GPM6A: variants seen among roughly 807,000 people sequenced by gnomAD.
The protein encoded by GPM6A is neuronal membrane glycoprotein M6-a.
Under a neutral mutation model 32.1 loss-of-function variants are expected in GPM6A, and 7 were observed. The ratio of observed to expected loss-of-function variants is 0.22; its 90% CI spans 0.12 to 0.41. GPM6A has a LOEUF of 0.41. Ranked by LOEUF, GPM6A falls within the 10% of genes least tolerant of loss-of-function variation. The probability of loss-of-function intolerance (pLI) is 1.00; values close to 1 mark genes in which losing one functional copy is unlikely to be tolerated. For missense variants in GPM6A, 235 were observed against 347.2 expected, an observed-to-expected ratio of 0.68 and a Z score of 2.57; for synonymous variants, 130 against 123.4, an observed-to-expected ratio of 1.05 and a Z score of -0.35.
intron 1 of GPM6A, among the ~76,000 whole-genome samples, chr4:176,001,561 C>G (rs1433995839): frequency 2.0e-5 from 3 of 152,152 alleles, no homozygotes; most frequent in African/African-American, 7.2e-5. Context: ...AAGCTGCCTC[C>G]GCTAAGCACC....
At chr4:175,719,453 G>A (rs553043388) in intron 1 of GPM6A, among the ~76,000 whole-genome samples, 1 of 152,066 alleles carries the variant, frequency 6.6e-6, no homozygotes, top group Admixed American at 6.6e-5. Flanking sequence ...AAAATTTTAA[G>A]CCATATTCTC....
intron 2 of GPM6A, among the ~76,000 whole-genome samples, chr4:175,678,559 G>T (rs1016074825): frequency 1.3e-5 from 2 of 152,180 alleles, no homozygotes; most frequent in African/African-American, 4.8e-5. Context: ...AGATGAGAGA[G>T]AGAGAAGAAC....
At chr4:175,781,135 A>AG (rs1733598260) in intron 1 of GPM6A, 1 of 152,166 alleles carries the variant, frequency 6.6e-6, no homozygotes, top group African/African-American at 2.4e-5. Flanking sequence ...AGTAATAAAA[A>AG]AAAAATAGAA....
rs978263178 is a variant in GPM6A, at chr4:175,651,996, G to A, written c.388-9C>T. 4.4e-6 allele frequency: 7 copies of A among 1,597,466 alleles called. No individual in the cohort carries two copies. The African/African-American group carries it at 9.5e-5, about 22-fold the overall frequency. On this transcript the variant is annotated splice_polypyrimidine_tract_variant and intron_variant, in intron 3 of 6. Transcript: ENST00000393658. The stretch of plus-strand genomic sequence containing the variant: ...TATGTCAGCATAATGAACTGCAAAA[G>A]AGAAAGAAATGGAGAGAGAAAATGT...
At chr4:175,652,121 T>A in intron 3 of GPM6A, 134 bp from the exon 4 acceptor site, 1 of 572,736 alleles carries the variant, frequency 1.7e-6, no homozygotes. Flanking sequence ...ACACTGTTGA[T>A]TTGCAGCACA....
chr4:175,667,418 A>G (rs1742809545), intron 3 of GPM6A, among the ~76,000 whole-genome samples: 1 of 152,192 alleles, frequency 6.6e-6, no homozygotes, highest in African/African-American at 2.4e-5. Context: ...CTTTGAAAAC[A>G]ATGAAAGTCT....
intron 3 of GPM6A, among the ~76,000 whole-genome samples, chr4:175,653,726 C>T (rs79273550): frequency 0.017 from 2,536 of 152,046 alleles, 33 homozygotes; most frequent in Middle Eastern, 0.031. Context: ...ATTTCAGTCA[C>T]GTAAGGCAAT....
chr4:175,970,912 T>G, intron 1 of GPM6A: 1 of 456,260 alleles, frequency 2.2e-6, no homozygotes, highest in South Asian at 1.5e-5. Context: ...ACCCTTTTTT[T>G]TCCCAACTGA....
chr4:175,746,523 A>T (rs1489398680), intron 1 of GPM6A, among the ~76,000 whole-genome samples: 1 of 152,192 alleles, frequency 6.6e-6, no homozygotes, highest in Non-Finnish European at 1.5e-5. Flanking sequence ...GCAGCAAAAA[A>T]TGGCATTTGG....
chr4:175,788,789 T>A (rs112549792), intron 1 of GPM6A, among the ~76,000 whole-genome samples: 3 of 152,186 alleles, frequency 2.0e-5, no homozygotes, highest in East Asian at 3.9e-4. Flanking sequence ...TTAATAGTTC[T>A]TAATGAACAA....
chr4:175,756,659 GT>G (rs1560916068), intron 1 of GPM6A, among the ~76,000 whole-genome samples: 1 of 152,068 alleles, frequency 6.6e-6, no homozygotes, highest in Non-Finnish European at 1.5e-5. Flanking sequence ...GCAGAATGAT[GT>G]GTAATCTAGA....
At chr4:175,913,639 C>G (rs918499001) in intron 1 of GPM6A, among the ~76,000 whole-genome samples, 1 of 152,180 alleles carries the variant, frequency 6.6e-6, no homozygotes, top group African/African-American at 2.4e-5. Flanking sequence ...TAGAACAGAC[C>G]AGGCCTGTTC....
At chr4:175,776,295 G>A (rs1400186318) in intron 1 of GPM6A, among the ~76,000 whole-genome samples, 2 of 152,116 alleles carry the variant, frequency 1.3e-5, no homozygotes, top group African/African-American at 2.4e-5. Flanking sequence ...TAAATTCTAT[G>A]GAAAATTAGG....
chr4:175,965,848 G>A (rs1050813777), intron 1 of GPM6A, among the ~76,000 whole-genome samples: 1 of 152,068 alleles, frequency 6.6e-6, no homozygotes, highest in African/African-American at 2.4e-5. Flanking sequence ...TCCTGACCTT[G>A]TGATCTGCCC....
chr4:175,655,827 T>C (rs1742053955), intron 3 of GPM6A, among the ~76,000 whole-genome samples: 1 of 152,096 alleles, frequency 6.6e-6, no homozygotes, highest in South Asian at 2.1e-4. Context: ...ATTATGATAA[T>C]TTTCTCATAG....
At chr4:175,816,720 C>A (rs943743251), upstream of GPM6A, among the ~76,000 whole-genome samples, 3 of 152,180 alleles carry the variant, frequency 2.0e-5, no homozygotes, top group Non-Finnish European at 4.4e-5. Flanking sequence ...ATGTTTCAGA[C>A]ACAGAATTAA....
chr4:175,792,589 C>T (rs2111279730), intron 1 of GPM6A, among the ~76,000 whole-genome samples: 1 of 152,012 alleles, frequency 6.6e-6, no homozygotes, highest in South Asian at 2.1e-4. Flanking sequence ...TAGAATACAT[C>T]CACTGATAAT....
chr4:175,694,030 C>T (rs187388640), intron 2 of GPM6A, among the ~76,000 whole-genome samples: 31 of 152,240 alleles, frequency 2.0e-4, no homozygotes, highest in Admixed American at 1.8e-3. Flanking sequence ...GGCCTGTTTC[C>T]CTTTTGCCTT....
chr4:175,665,994 C>T (rs1262215090), intron 3 of GPM6A, among the ~76,000 whole-genome samples: 1 of 150,710 alleles, frequency 6.6e-6, no homozygotes, highest in Admixed American at 6.6e-5. Context: ...TCTCGGCTCA[C>T]TGCAACCTCC....
Sources: gnomAD v4.1 joint callset for allele counts (sites outside exome capture counted in the v4.1 genomes callset) on GRCh38, gnomAD v4.1.1 for gene constraint, MANE v1.5 for transcripts, NCBI Gene and HGNC (gene_info 2026-07-23, HGNC 2026-07-21) for gene names.